DPF3: variants seen among roughly 807,000 people sequenced by gnomAD.
DPF3 encodes the protein zinc finger protein DPF3.
A neutral mutation model predicts 56.8 loss-of-function variants in DPF3; 18 were observed. The observed-to-expected ratio is 0.32, with a 90% CI of 0.22 to 0.47. The LOEUF (loss-of-function observed/expected upper bound fraction) is 0.47, where lower values mean the gene tolerates loss of function less well. Ranked by LOEUF, DPF3 falls within the 20% of genes least tolerant of loss-of-function variation. The pLI, the probability that DPF3 is intolerant of heterozygous loss-of-function variation, is 1.00. For synonymous variants in DPF3, 188 were observed against 180.2 expected (o/e 1.04, Z -0.35); for missense variants, 403 against 488.8 (o/e 0.82, Z 1.65).
chr14:72,744,684 G>A (rs1890256917), intron 3 of DPF3, among the ~76,000 whole-genome samples: 1 of 152,096 alleles, frequency 6.6e-6, no homozygotes, highest in South Asian at 2.1e-4. Context: ...CCTGAGCTCA[G>A]AGAAAACTCT....
intron 2 of DPF3, among the ~76,000 whole-genome samples, chr14:72,764,914 C>G (rs1046366325): frequency 3.3e-5 from 5 of 152,188 alleles, no homozygotes. Flanking sequence ...GAAGTTGAGG[C>G]AGTGCTGTGG....
At chr14:72,851,369 C>A (rs144052474) in intron 1 of DPF3, among the ~76,000 whole-genome samples, 11 of 152,338 alleles carry the variant, frequency 7.2e-5, no homozygotes, top group African/African-American at 2.6e-4. Context: ...TCTTATCCAT[C>A]TTCTCCATAG....
At chr14:72,736,338 A>G (rs1246645210) in intron 3 of DPF3, among the ~76,000 whole-genome samples, 4 of 152,232 alleles carry the variant, frequency 2.6e-5, no homozygotes, top group Non-Finnish European at 5.9e-5. Context: ...AGAGCTCCAT[A>G]GCCACAGGTG....
At chr14:72,761,647 G>A (rs1220621344) in intron 2 of DPF3, among the ~76,000 whole-genome samples, 1 of 151,594 alleles carries the variant, frequency 6.6e-6, no homozygotes, top group Non-Finnish European at 1.5e-5. Flanking sequence ...TTAAGAAATA[G>A]ATAAACCTAC....
intron 7 of DPF3, among the ~76,000 whole-genome samples, chr14:72,681,725 T>C (rs895399598): frequency 6.6e-6 from 1 of 152,178 alleles, no homozygotes; most frequent in Non-Finnish European, 1.5e-5. Context: ...CTGAGATGGA[T>C]ATATTTGGTG....
At chr14:72,708,168 C>G (rs1016902543) in intron 6 of DPF3, among the ~76,000 whole-genome samples, 2 of 152,056 alleles carry the variant, frequency 1.3e-5, no homozygotes, top group Admixed American at 6.6e-5. Flanking sequence ...TGCCAAGATG[C>G]GAGCCCTGGA....
chr14:72,714,609 C>T, intron 5 of DPF3, 108 bp from the exon 6 acceptor site: 1 of 1,251,338 alleles, frequency 8.0e-7, no homozygotes, highest in East Asian at 2.4e-5. Flanking sequence ...ACTTTTGTGC[C>T]AACACCAGTC....
In DPF3 at chr14:72,787,649, T is replaced by C. The variant is rs1414493047; in HGVS notation, c.33-15756A>G. 2.6e-5 allele frequency among the ~76,000 whole-genome samples: 4 copies of C among 152,332 alleles called. No individual in the cohort carries two copies. The East Asian group carries it at 5.8e-4, about 22-fold the overall frequency. Reference sequence around the variant, plus strand: ...TCCCACTGTAATGATTATTACACTTTTCCCTCTCAAAAGCGCCCTTGCTTG... The same window carrying C: ...TCCCACTGTAATGATTATTACACTTCTCCCTCTCAAAAGCGCCCTTGCTTG... On this transcript the variant is annotated intron_variant, in intron 1 of 10. Transcript: ENST00000556509.
chr14:72,700,151 C>T (rs1057091780), intron 6 of DPF3, among the ~76,000 whole-genome samples: 5 of 152,144 alleles, frequency 3.3e-5, no homozygotes, highest in Non-Finnish European at 5.9e-5. Context: ...TGGAAAGAAA[C>T]GTCTTGAAAT....
intron 2 of DPF3, among the ~76,000 whole-genome samples, chr14:72,759,584 G>GGGAA (rs36112242): frequency 0.34 from 51,046 of 149,724 alleles, 8,846 homozygotes; most frequent in Middle Eastern, 0.39. Context: ...AGGGAAGAAA[G>GGGAA]GGAAGGAAGG....
At position 72,611,910 on chromosome 14, in the gene DPF3, C is replaced by G. The variant is rs1037110083; in HGVS notation, c.*7387G>C. Reference sequence around the variant, plus strand: ...TATACTTACACCTTCCGTGATGGCGCGATACTTGACCTACAATCACGATTG... The same window carrying G: ...TATACTTACACCTTCCGTGATGGCGGGATACTTGACCTACAATCACGATTG... On this transcript the variant is annotated 3_prime_UTR_variant, in exon 11 of 11. Transcript: ENST00000556509. 2.0e-5 allele frequency among the ~76,000 whole-genome samples: 3 copies of G among 152,072 alleles called. No homozygotes were observed. The highest frequency in any genetic ancestry group is 6.5e-5 in the Admixed American group (1 of 15,268).
chr14:72,650,750 G>A (rs1448681691), intron 8 of DPF3, among the ~76,000 whole-genome samples: 2 of 152,118 alleles, frequency 1.3e-5, no homozygotes, highest in African/African-American at 2.4e-5. Context: ...GGGTCAGAAG[G>A]AGTCACAGGG....
chr14:72,885,683 A>G (rs904613877), intron 1 of DPF3, among the ~76,000 whole-genome samples: 1 of 152,112 alleles, frequency 6.6e-6, no homozygotes, highest in Non-Finnish European at 1.5e-5. Context: ...GATTACAGGC[A>G]TGAGCCTAGC....
At chr14:72,649,677 G>A (rs1567189147) in intron 8 of DPF3, among the ~76,000 whole-genome samples, 1 of 147,624 alleles carries the variant, frequency 6.8e-6, no homozygotes, top group Non-Finnish European at 1.5e-5. Context: ...GGGGATTAAT[G>A]TATTAGTACT....
intron 1 of DPF3, among the ~76,000 whole-genome samples, chr14:72,777,071 A>T (rs1737880352): frequency 6.6e-6 from 1 of 152,162 alleles, no homozygotes; most frequent in Non-Finnish European, 1.5e-5. Context: ...CTGTGCACAG[A>T]AGCAGAGATA....
intron 1 of DPF3, among the ~76,000 whole-genome samples, chr14:72,833,325 A>G (rs1208455101): frequency 6.6e-6 from 1 of 152,082 alleles, no homozygotes; most frequent in Non-Finnish European, 1.5e-5. Context: ...CGATGACAAC[A>G]CTCACCCTGA....
At position 72,617,908 on chromosome 14, in the gene DPF3, CT is replaced by C. The variant is rs1430303880; in HGVS notation, c.*1388del. 6.6e-6 allele frequency among the ~76,000 whole-genome samples: 1 copy of C among 152,192 alleles called. No individual in the cohort carries two copies. The highest frequency in any genetic ancestry group is 6.5e-5 in the Admixed American group (1 of 15,288). On this transcript the variant is annotated 3_prime_UTR_variant, in exon 11 of 11. Transcript: ENST00000556509. Reference sequence around the variant, plus strand: ...AGGGTTCCGCTCACCGAGACCTGCCCTTTGGGCAAATGATTTTTCCAGAAAT... The same window carrying C: ...AGGGTTCCGCTCACCGAGACCTGCCCTTGGGCAAATGATTTTTCCAGAAAT...
intron 8 of DPF3, among the ~76,000 whole-genome samples, chr14:72,654,636 G>A (rs370725069): frequency 3.3e-5 from 5 of 152,166 alleles, no homozygotes; most frequent in African/African-American, 4.8e-5. Context: ...TGTAAAATAC[G>A]AATTGTAATC....
At chr14:72,652,392 G>A (rs974429888) in intron 8 of DPF3, among the ~76,000 whole-genome samples, 2 of 152,150 alleles carry the variant, frequency 1.3e-5, no homozygotes, top group South Asian at 2.1e-4. Context: ...TGGAGCATTC[G>A]TTCCCCAAAT....
Sources: gnomAD v4.1 joint callset for allele counts (sites outside exome capture counted in the v4.1 genomes callset) on GRCh38, gnomAD v4.1.1 for gene constraint, MANE v1.5 for transcripts, NCBI Gene and HGNC (gene_info 2026-07-23, HGNC 2026-07-21) for gene names.